The following SHROOM4 variants were observed in gnomAD, a reference collection of about 807,000 sequenced individuals.
SHROOM4 encodes protein Shroom4.
A neutral mutation model predicts 80.3 loss-of-function variants in SHROOM4; 17 were observed. That is an observed-to-expected ratio of 0.21 (90% CI 0.14 to 0.32). The LOEUF (loss-of-function observed/expected upper bound fraction) is 0.32. SHROOM4 is among the 10% of genes least tolerant of loss of function. SHROOM4 has a pLI of 1.00. For missense variants in SHROOM4, 993 were observed against 1,140.3 expected, an observed-to-expected ratio of 0.87 and a Z score of 1.86; for synonymous variants, 400 against 437.5, an observed-to-expected ratio of 0.91 and a Z score of 1.07.
intron 5 of SHROOM4, among the ~76,000 whole-genome samples, chrX:50,609,308 G>A (rs1557249358): frequency 1.8e-5 from 2 of 110,821 alleles, no homozygotes; most frequent in Non-Finnish European, 3.8e-5. Context: ...TTCTCAATAG[G>A]AATTTTTAAA....
intron 1 of SHROOM4, among the ~76,000 whole-genome samples, chrX:50,794,898 A>ATG (rs1935928476): frequency 3.2e-5 from 3 of 94,473 alleles, no homozygotes; most frequent in Admixed American, 1.1e-4. Flanking sequence ...ATGTGTATAA[A>ATG]TGTGTATATA....
chrX:50,714,258 C>T (rs896633889), intron 1 of SHROOM4, among the ~76,000 whole-genome samples: 2 of 112,073 alleles, frequency 1.8e-5, no homozygotes, highest in African/African-American at 6.5e-5. Context: ...GAAGGTGATG[C>T]GTGCAGCTTT....
chrX:50,664,885 T>G (rs2147377204), intron 2 of SHROOM4, among the ~76,000 whole-genome samples: 1 of 108,067 alleles, frequency 9.3e-6, no homozygotes, highest in African/African-American at 3.4e-5. Context: ...CCAGCAATAC[T>G]TGGTCTAAAA....
intron 2 of SHROOM4, among the ~76,000 whole-genome samples, chrX:50,642,655 G>A (rs782483229): frequency 1.4e-4 from 15 of 111,087 alleles, no homozygotes; most frequent in African/African-American, 4.9e-4. Flanking sequence ...TGTAGAGATG[G>A]GGTTTCACCA....
intron 1 of SHROOM4, among the ~76,000 whole-genome samples, chrX:50,712,771 G>A (rs1264731097): frequency 1.8e-5 from 2 of 111,697 alleles, no homozygotes; most frequent in Non-Finnish European, 3.8e-5. Flanking sequence ...CCACAAAACA[G>A]AATCCTGTCA....
At position 50,729,133 on chromosome X, in the gene SHROOM4, G is replaced by A. The variant is rs113814063; in HGVS notation, c.118-33196C>T. Among the ~76,000 whole-genome samples, 688 of 111,716 alleles carry A rather than the reference G, an allele frequency of 6.2e-3. 9 individuals carry two copies. The highest frequency in any genetic ancestry group is 0.021 in the African/African-American group (651 of 30,793). ...GAAATTACAATATATGAAACAAAGAGGAAAGCACAGCCCATACATAGGAAG... is the reference window on the plus strand; with the variant it reads ...GAAATTACAATATATGAAACAAAGAAGAAAGCACAGCCCATACATAGGAAG... On this transcript the variant is annotated intron_variant, in intron 1 of 8. Transcript: ENST00000376020.
At chrX:50,812,388 G>A in intron 1 of SHROOM4, among the ~76,000 whole-genome samples, 1 of 109,014 alleles carries the variant, frequency 9.2e-6, no homozygotes, top group Non-Finnish European at 1.9e-5. Context: ...GCCTCAGGAG[G>A]GGTTGTGACA....
chrX:50,652,011 T>C (rs1282732735), intron 2 of SHROOM4, among the ~76,000 whole-genome samples: 2 of 111,832 alleles, frequency 1.8e-5, no homozygotes, highest in Non-Finnish European at 3.8e-5. Flanking sequence ...GTTCCAAGTC[T>C]TTGCTATTGT....
intron 7 of SHROOM4, 74 bp from the exon 8 acceptor site, chrX:50,598,609 C>G: frequency 9.0e-7 from 1 of 1,106,956 alleles, no homozygotes; most frequent in South Asian, 2.0e-5. Flanking sequence ...CCTGTAACCT[C>G]TGTTTTGGAA....
At chrX:50,784,529 G>A (rs1557270868) in intron 1 of SHROOM4, among the ~76,000 whole-genome samples, 1 of 111,586 alleles carries the variant, frequency 9.0e-6, no homozygotes, top group African/African-American at 3.3e-5. Flanking sequence ...AACAAATAGT[G>A]TTGGAATAAC....
At chrX:50,703,309 C>T (rs1356188638) in intron 1 of SHROOM4, among the ~76,000 whole-genome samples, 1 of 111,798 alleles carries the variant, frequency 8.9e-6, no homozygotes, top group Non-Finnish European at 1.9e-5. Flanking sequence ...TCTACTGCTA[C>T]TCCTCTTGTC....
intron 1 of SHROOM4, among the ~76,000 whole-genome samples, chrX:50,701,100 C>T (rs1933503278): frequency 8.9e-6 from 1 of 112,012 alleles, no homozygotes; most frequent in Non-Finnish European, 1.9e-5. Context: ...TTCTTCCTCC[C>T]CAGCTGCTTA....
chrX:50,598,777 C>T (rs1046735408), intron 7 of SHROOM4, among the ~76,000 whole-genome samples: 12 of 111,631 alleles, frequency 1.1e-4, no homozygotes, highest in Non-Finnish European at 1.9e-4. Flanking sequence ...TAAGTGGTAT[C>T]CATGCACTAA....
At chrX:50,766,227 C>T (rs1255160962) in intron 1 of SHROOM4, among the ~76,000 whole-genome samples, 1 of 111,454 alleles carries the variant, frequency 9.0e-6, no homozygotes, top group Non-Finnish European at 1.9e-5. Context: ...TTGCTTCTAA[C>T]CTTTTTAATG....
downstream of SHROOM4, among the ~76,000 whole-genome samples, chrX:50,582,944 A>G (rs1237477119): frequency 9.0e-6 from 1 of 110,834 alleles, no homozygotes; most frequent in Non-Finnish European, 1.9e-5. Flanking sequence ...TTATGGAGAT[A>G]AATTTAAGAG....
chrX:50,657,225 CAATT>C (rs1932342886), intron 2 of SHROOM4, among the ~76,000 whole-genome samples: 1 of 111,527 alleles, frequency 9.0e-6, no homozygotes, highest in Admixed American at 9.6e-5. Flanking sequence ...TCTTCCTTTT[CAATT>C]GATATGGCTT....
Position 50,635,666 on chromosome X carries a change from T to G in SHROOM4, c.407A>C (p.Asp136Ala). The part of the protein sequence containing the change: ...LSWHSGCNTS[D>A]VCVQWCPLSR... The stretch of plus-strand genomic sequence containing the variant: ...GAGTGGACACCACTGCACACACACG[T>G]CACTGTAAGACACAGGGCATACTGG... Residue 136 changes from aspartate (D) to alanine (A), a missense_variant and splice_region_variant, in exon 4 of 9, where the codon GAC (aspartate) becomes GCC (alanine). Asp to Ala is a moderately radical substitution (Grantham distance 126, BLOSUM62 -2). Coordinates refer to ENST00000376020, the MANE Select transcript of SHROOM4 (RefSeq NM_020717.5). 1 of 1,206,841 alleles carries G rather than the reference T, an allele frequency of 8.3e-7. No homozygotes were observed. Among genetic ancestry groups the G allele is most frequent in the East Asian group, 3.0e-5 (1 of 33,724 alleles).
intron 1 of SHROOM4, among the ~76,000 whole-genome samples, chrX:50,787,987 A>G (rs1243098865): frequency 1.8e-5 from 2 of 112,093 alleles, no homozygotes; most frequent in Non-Finnish European, 3.8e-5. Flanking sequence ...TACAAAAAAT[A>G]CAGACAAGTG....
chrX:50,729,427 G>A (rs782470359), intron 1 of SHROOM4, among the ~76,000 whole-genome samples: 5 of 110,856 alleles, frequency 4.5e-5, no homozygotes, highest in Non-Finnish European at 9.5e-5. Flanking sequence ...CAATAAACTT[G>A]AATACAGATG....
Sources: allele counts gnomAD v4.1 joint callset (sites outside exome capture counted in the v4.1 genomes callset), GRCh38; gene constraint gnomAD v4.1.1; transcripts MANE v1.5; gene names NCBI Gene and HGNC (gene_info 2026-07-23, HGNC 2026-07-21).